The following CFAP61 variants were observed in gnomAD, a reference collection of about 807,000 sequenced individuals.
The protein encoded by CFAP61 is cilia- and flagella-associated protein 61.
Under a neutral mutation model 135.6 loss-of-function variants are expected in CFAP61, and 107 were observed. The observed-to-expected ratio is 0.79, with a 90% confidence interval of 0.67 to 0.93. The LOEUF is 0.93. CFAP61 is among the 40% of genes least tolerant of loss of function. The pLI is 0.00. For synonymous variants in CFAP61, 575 were observed against 578.5 expected (o/e 0.99, Z 0.09); for missense variants, 1,507 against 1,556.2 (o/e 0.97, Z 0.53).
In CFAP61 at chr20:20,075,495, C is replaced by T. The variant is rs2045986339; in HGVS notation, c.446C>T (p.Thr149Ile). 1.9e-6 allele frequency: 3 copies of T among 1,613,964 alleles called. No homozygotes were observed. The African/African-American group carries it at 4.0e-5, about 22-fold the overall frequency. ...IVPSYMSLGS[T>I]LITVFDQVGN... ...CTTTATCTCTGTGATTTAGGCTCAA[C>T]TCTCATAACTGTTTTTGACCAAGTG... Residue 149 changes from threonine (T) to isoleucine (I), a missense_variant, in exon 6 of 27, where the codon ACT (threonine) becomes ATT (isoleucine). Transcript: ENST00000245957.
chr20:20,214,256 A>C (rs1236794707), intron 17 of CFAP61: 3 of 152,182 alleles, frequency 2.0e-5, no homozygotes, highest in Non-Finnish European at 2.9e-5. Context: ...CAGTACCACC[A>C]TCCCAGTGGA....
intron 25 of CFAP61, among the ~76,000 whole-genome samples, chr20:20,341,011 G>A (rs903320700): frequency 2.6e-5 from 4 of 152,078 alleles, no homozygotes; most frequent in Non-Finnish European, 5.9e-5. Flanking sequence ...AACGGAAGGT[G>A]CCCATTCACG....
intron 10 of CFAP61, among the ~76,000 whole-genome samples, chr20:20,162,245 G>A (rs4814948): frequency 0.35 from 52,814 of 152,004 alleles, 9,416 homozygotes; most frequent in Middle Eastern, 0.49. Flanking sequence ...GATCATCTAG[G>A]AGCATCTCCT....
At chr20:20,074,649 G>T (rs1013401276) in intron 4 of CFAP61, among the ~76,000 whole-genome samples, 2 of 152,212 alleles carry the variant, frequency 1.3e-5, no homozygotes, top group Non-Finnish European at 2.9e-5. Flanking sequence ...AGTAGGAGAA[G>T]AATTAAGTGT....
At chr20:20,234,345 C>T (rs1201647164) in intron 18 of CFAP61, among the ~76,000 whole-genome samples, 1 of 152,112 alleles carries the variant, frequency 6.6e-6, no homozygotes, top group Non-Finnish European at 1.5e-5. Context: ...CTCTGGAGTG[C>T]CCTTATGGTC....
intron 19 of CFAP61, 31 bp from the exon 20 acceptor site, chr20:20,251,564 G>C (rs759148946): frequency 1.2e-6 from 2 of 1,610,050 alleles, no homozygotes; most frequent in Non-Finnish European, 1.7e-6. Flanking sequence ...CAGCTGCTCA[G>C]ATGTCACTTA....
At chr20:20,323,050 C>T (rs1260725527) in intron 25 of CFAP61, 1 of 985,346 alleles carries the variant, frequency 1.0e-6, no homozygotes, top group Non-Finnish European at 1.2e-6. Context: ...TTTGTGATCA[C>T]TGTTCTTAGA....
chr20:20,251,770 C>T lies in CFAP61; in HGVS notation c.2328+7C>T. On this transcript the variant is annotated splice_region_variant and intron_variant, in intron 20 of 26. Transcript: ENST00000245957. The stretch of plus-strand genomic sequence containing the variant: ...CACCGGGCAGCAGTACCAGGTAAGG[C>T]CGGGCACAGGGGGCGCAAGCCACGT... 1.2e-6 allele frequency: 2 copies of T among 1,612,636 alleles called. No homozygotes were observed. Among genetic ancestry groups the T allele is most frequent in the Non-Finnish European group, 1.7e-6 (2 of 1,179,904 alleles).
intron 22 of CFAP61, among the ~76,000 whole-genome samples, chr20:20,279,329 A>C (rs1206003942): frequency 1.3e-5 from 2 of 152,226 alleles, no homozygotes; most frequent in Non-Finnish European, 2.9e-5. Context: ...CTAAAAGCCT[A>C]CTGTTGACCA....
chr20:20,236,255 T>C (rs1224155646), intron 18 of CFAP61, among the ~76,000 whole-genome samples: 1 of 152,162 alleles, frequency 6.6e-6, no homozygotes, highest in Non-Finnish European at 1.5e-5. Flanking sequence ...GGAGTTACAA[T>C]TCAGTAGGCC....
chr20:20,282,148 A>T (rs973212597), intron 22 of CFAP61, among the ~76,000 whole-genome samples: 2 of 151,574 alleles, frequency 1.3e-5, no homozygotes, highest in African/African-American at 2.4e-5. Flanking sequence ...AGTCTCTCTG[A>T]CCCTCTCTCT....
chr20:20,269,117 C>CTGTATA (rs2053058313), intron 21 of CFAP61, among the ~76,000 whole-genome samples: 1 of 104,572 alleles, frequency 9.6e-6, no homozygotes, highest in African/African-American at 3.5e-5. Context: ...TATTCGTGGG[C>CTGTATA]TATATATATA....
In CFAP61 at chr20:20,057,472, A is replaced by G. The variant is rs974258192; in HGVS notation, c.143+676A>G. On this transcript the variant is annotated intron_variant, in intron 2 of 26. Transcript: ENST00000245957. The stretch of plus-strand genomic sequence containing the variant: ...GCCAACATTATGTTATTGTTCTGAT[A>G]CTTCTCTGAGGTGGCCACTATCATG... 2.0e-5 allele frequency among the ~76,000 whole-genome samples: 3 copies of G among 152,180 alleles called. No individual in the cohort carries two copies. In the East Asian group the frequency reaches 5.8e-4, roughly 29 times the overall value.
At chr20:20,206,213 G>A (rs577714275) in intron 17 of CFAP61, among the ~76,000 whole-genome samples, 191 of 152,264 alleles carry the variant, frequency 1.3e-3, no homozygotes, top group African/African-American at 3.8e-3. Flanking sequence ...ATATTTATAG[G>A]ACAGTCTCTC....
chr20:20,067,237 C>T (rs1362843325), intron 2 of CFAP61, among the ~76,000 whole-genome samples: 1 of 151,940 alleles, frequency 6.6e-6, no homozygotes, highest in Non-Finnish European at 1.5e-5. Context: ...AGGGCTCCTT[C>T]AGTTTGGATT....
rs1004143846 is a variant in CFAP61, at chr20:20,272,426, G to A, written c.2504-4740G>A. 6.1e-5 allele frequency among the ~76,000 whole-genome samples: 9 copies of A among 148,730 alleles called. No homozygotes were observed. In the East Asian group the frequency reaches 1.7e-3, roughly 29 times the overall value. Reference sequence around the variant, plus strand: ...GGGCTACAGAGTGAGACTCTGTCTTGAAATAAATAAATTAATTAATTATAA... The same window carrying A: ...GGGCTACAGAGTGAGACTCTGTCTTAAAATAAATAAATTAATTAATTATAA... On this transcript the variant is annotated intron_variant, in intron 21 of 26. Coordinates refer to ENST00000245957, the MANE Select transcript of CFAP61 (RefSeq NM_015585.4).
intron 26 of CFAP61, among the ~76,000 whole-genome samples, chr20:20,346,734 T>C (rs925705030): frequency 7.9e-5 from 12 of 152,144 alleles, no homozygotes; most frequent in African/African-American, 2.2e-4. Flanking sequence ...TATAACCATA[T>C]ACTCACTTAA....
At chr20:20,060,233 A>G (rs1011867419) in intron 2 of CFAP61, among the ~76,000 whole-genome samples, 4 of 152,214 alleles carry the variant, frequency 2.6e-5, no homozygotes, top group African/African-American at 4.8e-5. Flanking sequence ...ACCCAGTGAA[A>G]CAATTCCTAG....
At chr20:20,125,749 G>C (rs2050021370) in intron 8 of CFAP61, among the ~76,000 whole-genome samples, 1 of 151,648 alleles carries the variant, frequency 6.6e-6, no homozygotes, top group Non-Finnish European at 1.5e-5. Context: ...CTAAGATATA[G>C]GTTAAATCCA....
Sources: allele counts gnomAD v4.1 joint callset (sites outside exome capture counted in the v4.1 genomes callset), GRCh38; gene constraint gnomAD v4.1.1; transcripts MANE v1.5; gene names NCBI Gene and HGNC (gene_info 2026-07-23, HGNC 2026-07-21).